KCNIP4: variants seen among roughly 807,000 people sequenced by gnomAD.
The protein encoded by KCNIP4 is Kv channel-interacting protein 4.
KCNIP4 carries 12 observed loss-of-function variants against 34.0 expected under a neutral mutation model. The ratio of observed to expected loss-of-function variants is 0.35; its 90% CI spans 0.23 to 0.57. The LOEUF is 0.57. Ranked by LOEUF, KCNIP4 falls within the 20% of genes least tolerant of loss-of-function variation. The probability of loss-of-function intolerance (pLI) is 0.83; values close to 1 mark genes in which losing one functional copy is unlikely to be tolerated. For synonymous variants in KCNIP4, 124 were observed against 102.2 expected (o/e 1.21, Z -1.29); for missense variants, 238 against 311.7 (o/e 0.76, Z 1.78).
At chr4:21,939,814 G>A (rs980368740) in intron 1 of KCNIP4, among the ~76,000 whole-genome samples, 4 of 152,160 alleles carry the variant, frequency 2.6e-5, no homozygotes, top group African/African-American at 9.7e-5. Context: ...AAGGATGTGA[G>A]AAAAGTTGAG....
intron 1 of KCNIP4, among the ~76,000 whole-genome samples, chr4:21,467,035 T>A (rs1339123646): frequency 6.8e-6 from 1 of 147,502 alleles, no homozygotes; most frequent in African/African-American, 2.5e-5. Flanking sequence ...ATGAAAAAAA[T>A]GTGACAAACC....
chr4:20,869,626 T>C (rs1723232229), intron 2 of KCNIP4, among the ~76,000 whole-genome samples: 1 of 152,144 alleles, frequency 6.6e-6, no homozygotes, highest in South Asian at 2.1e-4. Context: ...ATGTGTTTAA[T>C]GTTTCCAAGC....
rs546916087 is a variant in KCNIP4, at chr4:21,588,263, A to G, written c.61+360308T>C. Among the ~76,000 whole-genome samples, 482 of 152,166 alleles carry G rather than the reference A, an allele frequency of 3.2e-3. 1 individual carries two copies. The highest frequency in any genetic ancestry group is 6.2e-3 in the South Asian group (30 of 4,826). ...ATGAAATCATAATGATCTACTTTTC[A>G]TGTATTTAACTTTGAGAAAACCTGG... On this transcript the variant is annotated intron_variant, in intron 1 of 8. Transcript: ENST00000382152.
intron 1 of KCNIP4, among the ~76,000 whole-genome samples, chr4:21,556,930 A>AAAAAAAAAAAAAAAAAC (rs1553903108): frequency 4.0e-3 from 433 of 107,386 alleles, no homozygotes; most frequent in Middle Eastern, 6.0e-3. Flanking sequence ...CAGAAAAAAA[A>AAAAAAAAAAAAAAAAAC]AAAAAAAAAA....
intron 6 of KCNIP4, among the ~76,000 whole-genome samples, chr4:20,733,358 A>G (rs1748813209): frequency 6.6e-6 from 1 of 152,182 alleles, no homozygotes. Flanking sequence ...CTTTTTCTCT[A>G]AAACAGTCTA....
At position 20,758,791 on chromosome 4, in the gene KCNIP4, G is replaced by A. The variant is rs149751928; in HGVS notation, c.358+30C>T. ...TGCAAGCATAATTGTAACTCTGATA[G>A]TATGTTAACAAGTCCACATTTGTAC... On this transcript the variant is annotated intron_variant, in intron 4 of 8. Transcript: ENST00000382152. 4,377 of 1,535,356 alleles carry A rather than the reference G, an allele frequency of 2.9e-3. 110 individuals are homozygous for A. In the South Asian group the frequency reaches 0.038, roughly 13 times the overall value.
chr4:20,958,706 GA>G (rs759782294), intron 1 of KCNIP4, among the ~76,000 whole-genome samples: 120 of 152,182 alleles, frequency 7.9e-4, no homozygotes, highest in Non-Finnish European at 1.6e-3. Context: ...ACCACGTAAA[GA>G]GCTCTACTAT....
intron 1 of KCNIP4, among the ~76,000 whole-genome samples, chr4:21,600,387 T>G (rs1743011736): frequency 6.6e-6 from 1 of 152,124 alleles, no homozygotes; most frequent in African/African-American, 2.4e-5. Context: ...ATAATAGATG[T>G]ACATATTTTG....
At chr4:21,534,498 G>T (rs1353694682) in intron 1 of KCNIP4, among the ~76,000 whole-genome samples, 4 of 152,168 alleles carry the variant, frequency 2.6e-5, no homozygotes, top group African/African-American at 9.7e-5. Context: ...AGTTGCTTGA[G>T]TCCATAGCTG....
At chr4:21,352,755 C>A (rs1233261688) in intron 1 of KCNIP4, among the ~76,000 whole-genome samples, 3 of 152,220 alleles carry the variant, frequency 2.0e-5, no homozygotes, top group African/African-American at 7.2e-5. Context: ...CCCCGTCTGA[C>A]AGCTCTGAAG....
At chr4:21,223,057 T>C (rs1044134164) in intron 1 of KCNIP4, among the ~76,000 whole-genome samples, 1 of 152,202 alleles carries the variant, frequency 6.6e-6, no homozygotes, top group Non-Finnish European at 1.5e-5. Flanking sequence ...TTACCTTACA[T>C]AATACAAATA....
intron 1 of KCNIP4, among the ~76,000 whole-genome samples, chr4:21,487,465 T>G (rs865922731): frequency 6.6e-6 from 1 of 152,052 alleles, no homozygotes; most frequent in South Asian, 2.1e-4. Flanking sequence ...TCTGGGGTAG[T>G]GTTTGCCATG....
intron 1 of KCNIP4, among the ~76,000 whole-genome samples, chr4:21,170,576 G>C (rs1753951835): frequency 6.6e-6 from 1 of 152,090 alleles, no homozygotes; most frequent in African/African-American, 2.4e-5. Flanking sequence ...AAAGAACAAA[G>C]AGGCCAAAAC....
intron 1 of KCNIP4, among the ~76,000 whole-genome samples, chr4:21,819,479 T>C (rs1010331630): frequency 6.6e-6 from 1 of 152,354 alleles, no homozygotes; most frequent in South Asian, 2.1e-4. Flanking sequence ...TTTATCTGTT[T>C]ATTGTCTATA....
At chr4:21,597,259 A>T (rs771059726) in intron 1 of KCNIP4, among the ~76,000 whole-genome samples, 20 of 152,002 alleles carry the variant, frequency 1.3e-4, no homozygotes, top group African/African-American at 4.8e-4. Flanking sequence ...ATAAGGGGAA[A>T]CCACTTTCAC....
At chr4:21,906,822 C>T (rs888182130) in intron 1 of KCNIP4, among the ~76,000 whole-genome samples, 26 of 152,038 alleles carry the variant, frequency 1.7e-4, no homozygotes, top group Admixed American at 1.6e-3. Flanking sequence ...TTTTTACATA[C>T]ATCAATAAGG....
intron 1 of KCNIP4, among the ~76,000 whole-genome samples, chr4:20,913,870 G>A (rs1728561352): frequency 6.6e-6 from 1 of 152,128 alleles, no homozygotes; most frequent in Non-Finnish European, 1.5e-5. Flanking sequence ...ACAGTACCAG[G>A]CATGGCCAGG....
intron 1 of KCNIP4, among the ~76,000 whole-genome samples, chr4:21,203,485 C>A (rs1756636628): frequency 6.6e-6 from 1 of 152,220 alleles, no homozygotes; most frequent in Non-Finnish European, 1.5e-5. Context: ...TTGATTCCAA[C>A]TGAGAACAGC....
intron 1 of KCNIP4, among the ~76,000 whole-genome samples, chr4:21,810,647 G>C (rs1010618405): frequency 4.4e-5 from 6 of 137,668 alleles, no homozygotes; most frequent in African/African-American, 1.6e-4. Flanking sequence ...CCGAGATCGC[G>C]CCACTGCACT....
Sources: allele counts gnomAD v4.1 joint callset (sites outside exome capture counted in the v4.1 genomes callset), GRCh38; gene constraint gnomAD v4.1.1; transcripts MANE v1.5; gene names NCBI Gene and HGNC (gene_info 2026-07-23, HGNC 2026-07-21).